The following KCNK9 variants were observed in gnomAD, a reference collection of about 807,000 sequenced individuals.
The protein encoded by KCNK9 is potassium channel subfamily K member 9.
A neutral mutation model predicts 10.8 loss-of-function variants in KCNK9; 1 was observed. The observed-to-expected ratio is 0.09, with a 90% CI of 0.03 to 0.44. KCNK9 has a LOEUF of 0.44. KCNK9 is among the 20% of genes least tolerant of loss of function. The pLI is 0.97. For synonymous variants in KCNK9, 231 were observed against 222.7 expected (o/e 1.04, Z -0.33); for missense variants, 303 against 515.0 (o/e 0.59, Z 3.98).
At chr8:139,616,472 A>T (rs1374253132), downstream of KCNK9, 1 of 152,212 alleles carries the variant, frequency 6.6e-6, no homozygotes, top group East Asian at 1.9e-4. Context: ...GACGAAGGGG[A>T]AATTTCAACA....
rs923266371 is a variant in KCNK9 at position 139,617,781 on chromosome 8, C to CAA, written c.*475_*476dup. ...ACACGTGCACACAGAAGCACACACACAACACACACACAGTCACTCAGTCCT... is the reference window on the plus strand; with the variant it reads ...ACACGTGCACACAGAAGCACACACACAAAACACACACACAGTCACTCAGTCCT... On this transcript the variant is annotated 3_prime_UTR_variant, in exon 2 of 2. Coordinates refer to ENST00000520439, the MANE Select transcript of KCNK9 (RefSeq NM_001282534.2). 2.6e-5 allele frequency among the ~76,000 whole-genome samples: 4 copies of CAA among 152,170 alleles called. No homozygotes were observed. Among genetic ancestry groups the CAA allele is most frequent in the African/African-American group, 9.7e-5 (4 of 41,440 alleles).
chr8:139,637,556 C>T (rs937087739), intron 1 of KCNK9, among the ~76,000 whole-genome samples: 6 of 152,096 alleles, frequency 3.9e-5, no homozygotes, highest in African/African-American at 1.4e-4. Context: ...TAAATGACGT[C>T]ATCTAAAACA....
chr8:139,633,397 C>A (rs1412343925), intron 1 of KCNK9, among the ~76,000 whole-genome samples: 1 of 152,098 alleles, frequency 6.6e-6, no homozygotes, highest in Non-Finnish European at 1.5e-5. Context: ...CCTTGTTGGC[C>A]AAACGATGGC....
intron 1 of KCNK9, among the ~76,000 whole-genome samples, chr8:139,695,280 G>T (rs566269266): frequency 7.9e-5 from 12 of 152,344 alleles, no homozygotes; most frequent in Admixed American, 7.2e-4. Flanking sequence ...AGTATATTGT[G>T]TAGACAAGGG....
chr8:139,617,609 T>C lies in KCNK9; in HGVS notation c.*649A>G, dbSNP rs1047766108. On this transcript the variant is annotated 3_prime_UTR_variant, in exon 2 of 2. Transcript: ENST00000520439. Reference sequence around the variant, plus strand: ...CACATCAGGGATAAGAACTGCTTAATGAAACATGCTTGATTTGGCAAAATA... The same window carrying C: ...CACATCAGGGATAAGAACTGCTTAACGAAACATGCTTGATTTGGCAAAATA... 1.3e-5 allele frequency among the ~76,000 whole-genome samples: 2 copies of C among 152,200 alleles called. No individual in the cohort carries two copies. Among genetic ancestry groups the C allele is most frequent in the Non-Finnish European group, 2.9e-5 (2 of 68,036 alleles).
At chr8:139,698,145 C>T (rs554488985) in intron 1 of KCNK9, among the ~76,000 whole-genome samples, 7 of 152,332 alleles carry the variant, frequency 4.6e-5, no homozygotes, top group Admixed American at 4.6e-4. Flanking sequence ...GTAAGGAGAT[C>T]CCAACTGCAT....
At chr8:139,689,681 T>C (rs1443321919) in intron 1 of KCNK9, among the ~76,000 whole-genome samples, 1 of 151,036 alleles carries the variant, frequency 6.6e-6, no homozygotes, top group Non-Finnish European at 1.5e-5. Flanking sequence ...CTCACTCTGC[T>C]GCCCAAGCTG....
chr8:139,660,767 G>A (rs1377852509), intron 1 of KCNK9, among the ~76,000 whole-genome samples: 1 of 152,170 alleles, frequency 6.6e-6, no homozygotes, highest in Non-Finnish European at 1.5e-5. Context: ...CTCCTGGACA[G>A]GTTGTTTTGA....
intron 1 of KCNK9, among the ~76,000 whole-genome samples, chr8:139,655,134 T>C (rs1166444414): frequency 6.6e-6 from 1 of 152,092 alleles, no homozygotes; most frequent in African/African-American, 2.4e-5. Flanking sequence ...CTCCCTCAGA[T>C]ACTGCTTGGG....
chr8:139,688,379 C>T (rs1320805769), intron 1 of KCNK9, among the ~76,000 whole-genome samples: 1 of 152,148 alleles, frequency 6.6e-6, no homozygotes, highest in African/African-American at 2.4e-5. Flanking sequence ...AACTTACAAT[C>T]GTGGTGGAAA....
chr8:139,676,556 G>A (rs1047438032), intron 1 of KCNK9, among the ~76,000 whole-genome samples: 1 of 152,246 alleles, frequency 6.6e-6, no homozygotes, highest in Non-Finnish European at 1.5e-5. Flanking sequence ...CCCTGATTCT[G>A]AGAGGAGGCA....
chr8:139,642,655 C>T (rs1426742668), intron 1 of KCNK9, among the ~76,000 whole-genome samples: 1 of 152,244 alleles, frequency 6.6e-6, no homozygotes, highest in African/African-American at 2.4e-5. Context: ...TGGGGAGCAG[C>T]CACTTCCACT....
At chr8:139,643,536 C>T (rs1174366748) in intron 1 of KCNK9, among the ~76,000 whole-genome samples, 1 of 152,230 alleles carries the variant, frequency 6.6e-6, no homozygotes, top group Non-Finnish European at 1.5e-5. Context: ...GGTCACCGTG[C>T]ACAGGCCAAG....
chr8:139,651,178 T>C (rs945303462), intron 1 of KCNK9, among the ~76,000 whole-genome samples: 6 of 152,208 alleles, frequency 3.9e-5, no homozygotes, highest in African/African-American at 1.4e-4. Context: ...CCTCTAGCAG[T>C]TCCCCAAAAT....
chr8:139,628,811 T>G (rs1332684140), intron 1 of KCNK9, among the ~76,000 whole-genome samples: 12 of 152,150 alleles, frequency 7.9e-5, no homozygotes, highest in Non-Finnish European at 1.2e-4. Flanking sequence ...CCAACAACAT[T>G]CACGAAGGCC....
chr8:139,702,605 G>A lies in KCNK9; in HGVS notation c.283+105C>T. 1 of 1,190,682 alleles carries A rather than the reference G, an allele frequency of 8.4e-7. No individual in the cohort carries two copies. Among genetic ancestry groups the A allele is most frequent in the Non-Finnish European group, 1.2e-6 (1 of 864,094 alleles). The allele number at this position is 1,190,682 out of a possible 1,614,324, so 73.8% of individuals were successfully genotyped here. The stretch of plus-strand genomic sequence containing the variant: ...TGCGGGAAGGCCCCCAAGGGAGGCT[G>A]CGTTTAACCCTCGACGCCCTGCACC... On this transcript the variant is annotated intron_variant, in intron 1 of 1. Transcript: ENST00000520439. The surrounding 1 kb of genome is among the most constrained non-coding windows in gnomAD (Gnocchi z 7.5).
At chr8:139,648,798 A>G (rs1413806174) in intron 1 of KCNK9, among the ~76,000 whole-genome samples, 2 of 152,222 alleles carry the variant, frequency 1.3e-5, no homozygotes, top group African/African-American at 2.4e-5. Context: ...CCGGACGCCA[A>G]TGACACGTGC....
chr8:139,656,565 C>T (rs767247488), intron 1 of KCNK9, among the ~76,000 whole-genome samples: 1 of 152,250 alleles, frequency 6.6e-6, no homozygotes, highest in Non-Finnish European at 1.5e-5. Flanking sequence ...TGACACCTGC[C>T]CCGGGAAGCC....
chr8:139,656,186 A>G (rs1332390045), intron 1 of KCNK9, among the ~76,000 whole-genome samples: 2 of 152,170 alleles, frequency 1.3e-5, no homozygotes, highest in African/African-American at 4.8e-5. Flanking sequence ...CCTAGTGCCC[A>G]GATCCAAGTG....
Sources: allele counts gnomAD v4.1 joint callset (sites outside exome capture counted in the v4.1 genomes callset), GRCh38; gene constraint gnomAD v4.1.1; non-coding constraint Gnocchi (gnomAD v3.1); transcripts MANE v1.5; gene names NCBI Gene and HGNC (gene_info 2026-07-23, HGNC 2026-07-21).